AGAP1: variants seen among roughly 807,000 people sequenced by gnomAD.
AGAP1 encodes ArfGAP with GTPase domain, ankyrin repeat and PH domain 1, also known as arf-GAP with GTPase, ANK repeat and PH domain-containing protein 1.
AGAP1 carries 29 observed loss-of-function variants against 105.3 expected under a neutral mutation model. That is an observed-to-expected ratio of 0.28 (90% CI 0.21 to 0.38). The LOEUF (loss-of-function observed/expected upper bound fraction) is 0.38, where lower values mean the gene tolerates loss of function less well. AGAP1 is among the 10% of genes least tolerant of loss of function. AGAP1 has a pLI of 1.00. For synonymous variants in AGAP1, 509 were observed against 485.9 expected (o/e 1.05, Z -0.63); for missense variants, 998 against 1,165.1 (o/e 0.86, Z 2.09).
Position 235,931,199 on chromosome 2 carries a change from G to A in AGAP1, c.1483+276G>A, listed in dbSNP as rs1048295602. On this transcript the variant is annotated intron_variant, in intron 12 of 17. Coordinates refer to ENST00000304032, the MANE Select transcript of AGAP1 (RefSeq NM_001037131.3). The surrounding 1 kb of genome is among the most constrained non-coding windows in gnomAD (Gnocchi z 5.6). ...TTTGGAAACTGAGGCGGCAGACAGGGCAACTGGCTTACCCAGGGTCACGTG... is the reference window on the plus strand; with the variant it reads ...TTTGGAAACTGAGGCGGCAGACAGGACAACTGGCTTACCCAGGGTCACGTG... 1.3e-5 allele frequency among the ~76,000 whole-genome samples: 2 copies of A among 152,176 alleles called. No homozygotes were observed. The highest frequency in any genetic ancestry group is 2.9e-5 in the Non-Finnish European group (2 of 68,040).
At chr2:235,932,915 C>T (rs906580769) in intron 12 of AGAP1, among the ~76,000 whole-genome samples, 2 of 152,182 alleles carry the variant, frequency 1.3e-5, no homozygotes, top group African/African-American at 4.8e-5. Context: ...AGACTAAAGT[C>T]GCCTACGTTT....
Position 236,005,106 on chromosome 2 carries a change from G to A in AGAP1, c.1646-31455G>A, listed in dbSNP as rs979891796. 6.6e-6 allele frequency among the ~76,000 whole-genome samples: 1 copy of A among 151,066 alleles called. No individual in the cohort carries two copies. The highest frequency in any genetic ancestry group is 6.6e-5 in the Admixed American group (1 of 15,172). On this transcript the variant is annotated intron_variant, in intron 13 of 17. Transcript: ENST00000304032. This position sits in a 1 kb window ranked among gnomAD's most constrained non-coding sequence, Gnocchi z 4.1. ...CATAGGCTTCCCACCACTTCCCCCT[G>A]ACAAGTTTCCCATGTTTTTTGTGTG...
chr2:236,109,796 G>C lies in AGAP1; in HGVS notation c.2115-10396G>C, dbSNP rs1410657572. 6.6e-6 allele frequency among the ~76,000 whole-genome samples: 1 copy of C among 152,224 alleles called. No individual in the cohort carries two copies. The highest frequency in any genetic ancestry group is 2.4e-5 in the African/African-American group (1 of 41,464). ...GGAACTGTGTTTTTAATGTTATTTT[G>C]TTTCAATTCACGTCAACACCCACGG... On this transcript the variant is annotated intron_variant, in intron 16 of 17. Coordinates refer to ENST00000304032, the MANE Select transcript of AGAP1 (RefSeq NM_001037131.3). The surrounding 1 kb of genome is among the most constrained non-coding windows in gnomAD (Gnocchi z 5.4).
At chr2:235,997,486 T>C (rs902200004) in intron 13 of AGAP1, among the ~76,000 whole-genome samples, 4 of 152,194 alleles carry the variant, frequency 2.6e-5, no homozygotes, top group African/African-American at 4.8e-5. Context: ...TTAAGGTTAG[T>C]GTTTGGTATT....
chr2:235,517,468 A>G lies in AGAP1; in HGVS notation c.163+22619A>G, dbSNP rs917487782. Among the ~76,000 whole-genome samples, 1 of 152,182 alleles carries G rather than the reference A, an allele frequency of 6.6e-6. No individual in the cohort carries two copies. Among genetic ancestry groups the G allele is most frequent in the African/African-American group, 2.4e-5 (1 of 41,440 alleles). On this transcript the variant is annotated intron_variant, in intron 1 of 17. Transcript: ENST00000304032. This position sits in a 1 kb window ranked among gnomAD's most constrained non-coding sequence, Gnocchi z 4.1. Reference sequence around the variant, plus strand: ...ATAGCTGTGCCCAACGTAGATCTTTATGGTAATTTTATTTTAATTGAGGTC... The same window carrying G: ...ATAGCTGTGCCCAACGTAGATCTTTGTGGTAATTTTATTTTAATTGAGGTC...
At chr2:235,914,570 T>C (rs1208295768) in intron 11 of AGAP1, among the ~76,000 whole-genome samples, 1 of 152,236 alleles carries the variant, frequency 6.6e-6, no homozygotes, top group African/African-American at 2.4e-5. Context: ...TGACTACATT[T>C]CACACTTTAA....
intron 1 of AGAP1, among the ~76,000 whole-genome samples, chr2:235,685,045 CAG>C (rs1057361276): frequency 2.0e-5 from 3 of 151,986 alleles, no homozygotes; most frequent in Non-Finnish European, 2.9e-5. Context: ...TTGTGAGAGT[CAG>C]GGGTGTGCAG....
intron 13 of AGAP1, among the ~76,000 whole-genome samples, chr2:235,974,372 G>A (rs1434177840): frequency 6.6e-6 from 1 of 152,222 alleles, no homozygotes; most frequent in Non-Finnish European, 1.5e-5. Flanking sequence ...ATAACATCTA[G>A]AAGTTGTGTA....
intron 10 of AGAP1, among the ~76,000 whole-genome samples, chr2:235,892,362 A>G (rs1559615106): frequency 6.6e-6 from 1 of 152,188 alleles, no homozygotes; most frequent in Non-Finnish European, 1.5e-5. Flanking sequence ...CCTGCAACAC[A>G]TAAACCCTTT....
Position 235,732,085 on chromosome 2 carries a change from G to A in AGAP1, c.311-8878G>A, listed in dbSNP as rs534461815. On this transcript the variant is annotated intron_variant, in intron 3 of 17. Transcript: ENST00000304032. This position sits in a 1 kb window ranked among gnomAD's most constrained non-coding sequence, Gnocchi z 4.8. ...CTGTGTCACATTTTCCTGGTGTATC[G>A]CGTGCACTTTTGATCTGCGGATTCA... Among the ~76,000 whole-genome samples the A allele has an allele frequency of 5.3e-4, 80 of 152,184 alleles. No homozygotes were observed. The highest frequency in any genetic ancestry group is 1.8e-3 in the African/African-American group (75 of 41,520).
At chr2:235,911,903 C>T (rs1212836232) in intron 11 of AGAP1, among the ~76,000 whole-genome samples, 1 of 152,238 alleles carries the variant, frequency 6.6e-6, no homozygotes, top group Non-Finnish European at 1.5e-5. Context: ...GAGGTATGAC[C>T]TTAGCACAGA....
intron 1 of AGAP1, among the ~76,000 whole-genome samples, chr2:235,646,577 C>T (rs1439361383): frequency 6.6e-6 from 1 of 152,230 alleles, no homozygotes; most frequent in African/African-American, 2.4e-5. Flanking sequence ...TGAATTTTAA[C>T]ATGACATGCT....
chr2:236,124,264 C>G lies in AGAP1; in HGVS notation c.*142C>G. ...CCTCCCTCCCGCCCACCCACTCTCA[C>G]CCCAAACAAAATCACAAAACCTGGA... is the stretch of plus-strand genomic sequence containing the variant. On this transcript the variant is annotated 3_prime_UTR_variant, in exon 18 of 18. Coordinates refer to ENST00000304032, the MANE Select transcript of AGAP1 (RefSeq NM_001037131.3). This position sits in a 1 kb window ranked among gnomAD's most constrained non-coding sequence, Gnocchi z 5.1. 1 of 953,068 alleles carries G rather than the reference C, an allele frequency of 1.0e-6. No individual in the cohort carries two copies. Among genetic ancestry groups the G allele is most frequent in the African/African-American group, 1.7e-5 (1 of 57,358 alleles). The allele number at this position is 953,068 out of a possible 1,614,324, so 59.0% of individuals were successfully genotyped here.
rs1218813926 is a variant in AGAP1, at chr2:236,050,390, A to G, written c.2114+1109A>G. 6.6e-6 allele frequency among the ~76,000 whole-genome samples: 1 copy of G among 152,366 alleles called. No individual in the cohort carries two copies. The highest frequency in any genetic ancestry group is 1.9e-4 in the East Asian group (1 of 5,188). On this transcript the variant is annotated intron_variant, in intron 16 of 17. Transcript: ENST00000304032. The surrounding 1 kb of genome is among the most constrained non-coding windows in gnomAD (Gnocchi z 4.0). ...GTAGTGGGGAGGACAGGAAAGGTGC[A>G]AAGAACATATTTGTTTAAAATTGCA...
chr2:235,667,184 C>T (rs1326468427), intron 1 of AGAP1, among the ~76,000 whole-genome samples: 1 of 152,158 alleles, frequency 6.6e-6, no homozygotes, highest in African/African-American at 2.4e-5. Flanking sequence ...GGTAAAATCA[C>T]GTAGCCTTAG....
intron 9 of AGAP1, among the ~76,000 whole-genome samples, chr2:235,815,134 A>G (rs917641327): frequency 7.2e-5 from 11 of 152,232 alleles, no homozygotes; most frequent in African/African-American, 2.6e-4. Flanking sequence ...GAGAACATTA[A>G]GGCTTGGGGA....
At position 235,724,881 on chromosome 2, in the gene AGAP1, C is replaced by G. The variant is rs1376731332; in HGVS notation, c.310+7237C>G. 6.6e-6 allele frequency among the ~76,000 whole-genome samples: 1 copy of G among 152,216 alleles called. No individual in the cohort carries two copies. Among genetic ancestry groups the G allele is most frequent in the Non-Finnish European group, 1.5e-5 (1 of 68,040 alleles). Reference sequence around the variant, plus strand: ...ACCAGACCCACCTCATTTCTTACATCTCTCCAAGAGAAGCCTTTCGCTTGT... The same window carrying G: ...ACCAGACCCACCTCATTTCTTACATGTCTCCAAGAGAAGCCTTTCGCTTGT... On this transcript the variant is annotated intron_variant, in intron 3 of 17. Transcript: ENST00000304032. This position sits in a 1 kb window ranked among gnomAD's most constrained non-coding sequence, Gnocchi z 4.9.
intron 1 of AGAP1, among the ~76,000 whole-genome samples, chr2:235,573,410 C>T (rs1414569432): frequency 1.3e-5 from 2 of 152,058 alleles, no homozygotes; most frequent in South Asian, 2.1e-4. Context: ...CTTACCCACA[C>T]GTACTTACAT....
rs2057030379 is a variant in AGAP1 at position 236,025,787 on chromosome 2, A to G, written c.1646-10774A>G. Among the ~76,000 whole-genome samples, 2 of 152,066 alleles carry G rather than the reference A, an allele frequency of 1.3e-5. 1 individual carries two copies. The highest frequency in any genetic ancestry group is 4.1e-4 in the South Asian group (2 of 4,828). ...CGTGGTGGCTCACACCTGTAATCCCAGCTACTCAGGAGGCTGAGGCAGGAG... is the reference window on the plus strand; with the variant it reads ...CGTGGTGGCTCACACCTGTAATCCCGGCTACTCAGGAGGCTGAGGCAGGAG... On this transcript the variant is annotated intron_variant, in intron 13 of 17. Transcript: ENST00000304032.
Sources: gnomAD v4.1 joint callset for allele counts (sites outside exome capture counted in the v4.1 genomes callset) on GRCh38, gnomAD v4.1.1 for gene constraint, Gnocchi (gnomAD v3.1) non-coding constraint, MANE v1.5 for transcripts, NCBI Gene and HGNC (gene_info 2026-07-23, HGNC 2026-07-21) for gene names.